The following GRM5 variants were observed in gnomAD, a reference collection of about 807,000 sequenced individuals.
GRM5 encodes the protein metabotropic glutamate receptor 5.
A neutral mutation model predicts 83.1 loss-of-function variants in GRM5; 19 were observed. The observed-to-expected ratio is 0.23, with a 90% CI of 0.16 to 0.34. GRM5 has a LOEUF of 0.34. GRM5 is among the 10% of genes least tolerant of loss of function. GRM5 has a pLI of 1.00. For missense variants in GRM5, 1,160 were observed against 1,588.3 expected, an observed-to-expected ratio of 0.73 and a Z score of 4.58; for synonymous variants, 675 against 633.6, an observed-to-expected ratio of 1.07 and a Z score of -0.98.
chr11:88,797,081 C>A (rs753735119), intron 3 of GRM5, among the ~76,000 whole-genome samples: 1 of 152,084 alleles, frequency 6.6e-6, no homozygotes, highest in African/African-American at 2.4e-5. Context: ...GATATCATCT[C>A]TGCAAAATCT....
chr11:88,660,735 C>T (rs1052535470), intron 3 of GRM5, among the ~76,000 whole-genome samples: 4 of 152,164 alleles, frequency 2.6e-5, no homozygotes, highest in African/African-American at 4.8e-5. Context: ...TCCTGTTGAT[C>T]GGAGACATAG....
At chr11:89,045,916 A>G (rs541961383) in intron 2 of GRM5, among the ~76,000 whole-genome samples, 5 of 152,256 alleles carry the variant, frequency 3.3e-5, no homozygotes, top group Middle Eastern at 3.4e-3. Flanking sequence ...TTAAATTTCA[A>G]TTGTCAAATT....
At chr11:88,841,503 G>A (rs1273903012) in intron 3 of GRM5, among the ~76,000 whole-genome samples, 2 of 152,052 alleles carry the variant, frequency 1.3e-5, no homozygotes, top group East Asian at 1.9e-4. Flanking sequence ...CTACATAAAA[G>A]CTGCATTTTC....
intron 6 of GRM5, among the ~76,000 whole-genome samples, chr11:88,594,230 A>G (rs1937736497): frequency 6.6e-6 from 1 of 152,254 alleles, no homozygotes; most frequent in South Asian, 2.1e-4. Flanking sequence ...GTAATAATTC[A>G]TGTAAATAAT....
chr11:88,746,612 A>G (rs1033848330), intron 3 of GRM5, among the ~76,000 whole-genome samples: 4 of 151,982 alleles, frequency 2.6e-5, no homozygotes, highest in African/African-American at 9.7e-5. Context: ...TTTTTCCAAT[A>G]TACGAGCTGA....
chr11:88,637,138 T>C (rs893585090), intron 4 of GRM5, among the ~76,000 whole-genome samples: 3 of 152,288 alleles, frequency 2.0e-5, no homozygotes, highest in African/African-American at 7.2e-5. Flanking sequence ...TAAATTACCT[T>C]GGGCAGTATG....
At chr11:88,659,824 A>T (rs1939858123) in intron 3 of GRM5, among the ~76,000 whole-genome samples, 1 of 152,222 alleles carries the variant, frequency 6.6e-6, no homozygotes, top group Non-Finnish European at 1.5e-5. Context: ...CAGCGATGCC[A>T]AATAATTTAA....
chr11:88,626,385 A>G (rs2135264605), intron 4 of GRM5, among the ~76,000 whole-genome samples: 1 of 151,694 alleles, frequency 6.6e-6, no homozygotes, highest in African/African-American at 2.4e-5. Flanking sequence ...GTTTGCACTT[A>G]GTTTATAAAT....
intron 4 of GRM5, among the ~76,000 whole-genome samples, chr11:88,625,101 T>C (rs1938756014): frequency 6.6e-6 from 1 of 152,134 alleles, no homozygotes; most frequent in Admixed American, 6.5e-5. Flanking sequence ...AAATTTTACA[T>C]CAAGGGGACC....
intron 3 of GRM5, among the ~76,000 whole-genome samples, chr11:88,772,524 T>C (rs1424785259): frequency 6.6e-6 from 1 of 152,102 alleles, no homozygotes; most frequent in Non-Finnish European, 1.5e-5. Flanking sequence ...TAGGTATACA[T>C]GTGCCATGTT....
chr11:88,637,023 T>G (rs1939146281), intron 4 of GRM5, among the ~76,000 whole-genome samples: 1 of 152,184 alleles, frequency 6.6e-6, no homozygotes, highest in African/African-American at 2.4e-5. Context: ...TAGGATTGAC[T>G]TGGCAATGCG....
At chr11:89,019,238 A>T (rs1940926714) in intron 2 of GRM5, among the ~76,000 whole-genome samples, 2 of 152,234 alleles carry the variant, frequency 1.3e-5, no homozygotes, top group African/African-American at 4.8e-5. Context: ...GGAAGATCAC[A>T]GAAGAAAGTG....
At chr11:88,864,273 G>A (rs979476519) in intron 2 of GRM5, among the ~76,000 whole-genome samples, 5 of 151,518 alleles carry the variant, frequency 3.3e-5, no homozygotes, top group African/African-American at 9.7e-5. Context: ...AGAGGTTTCT[G>A]AAGGCAGGTA....
intron 3 of GRM5, among the ~76,000 whole-genome samples, chr11:88,755,021 T>C (rs1400873636): frequency 6.6e-6 from 1 of 152,144 alleles, no homozygotes; most frequent in Non-Finnish European, 1.5e-5. Context: ...GTCCCCACTT[T>C]CTCTACAGAA....
intron 2 of GRM5, among the ~76,000 whole-genome samples, chr11:88,874,413 C>A (rs908201882): frequency 4.6e-5 from 7 of 151,808 alleles, no homozygotes; most frequent in African/African-American, 1.7e-4. Context: ...ATAACCGTAT[C>A]TCTTATCACT....
chr11:89,060,485 T>A (rs1941969736), intron 1 of GRM5, among the ~76,000 whole-genome samples: 1 of 152,104 alleles, frequency 6.6e-6, no homozygotes, highest in South Asian at 2.1e-4. Context: ...GTAGTTTTTA[T>A]AACTGAAAAG....
At chr11:89,028,777 T>C (rs1941190338) in intron 2 of GRM5, among the ~76,000 whole-genome samples, 1 of 152,172 alleles carries the variant, frequency 6.6e-6, no homozygotes, top group Admixed American at 6.6e-5. Context: ...GAAAATTAAA[T>C]TAACCTTTTC....
rs1942524333 is a variant in GRM5 at position 88,761,848 on chromosome 11, A to C, written c.911+88058T>G. 7.9e-5 allele frequency among the ~76,000 whole-genome samples: 12 copies of C among 152,070 alleles called. No homozygotes were observed. In the South Asian group the frequency reaches 2.5e-3, roughly 32 times the overall value. ...CCAAAAAAGCATGGTACTGGTACAC[A>C]GACACATAGATCAACAGAACATAAT... On this transcript the variant is annotated intron_variant, in intron 3 of 9. Transcript: ENST00000305447.
intron 8 of GRM5, among the ~76,000 whole-genome samples, chr11:88,564,848 G>A (rs1942838644): frequency 6.6e-6 from 1 of 151,024 alleles, no homozygotes; most frequent in African/African-American, 2.4e-5. Flanking sequence ...TGGACAACAT[G>A]AAGATCGAGA....
Sources: gnomAD v4.1 joint callset for allele counts (sites outside exome capture counted in the v4.1 genomes callset) on GRCh38, gnomAD v4.1.1 for gene constraint, MANE v1.5 for transcripts, NCBI Gene and HGNC (gene_info 2026-07-23, HGNC 2026-07-21) for gene names.